Variants in DOCK1 observed in about 807,000 individuals in gnomAD.
DOCK1 encodes the protein dedicator of cytokinesis 1.
In DOCK1, 138 loss-of-function variants were observed where a neutral mutation model predicts 262.7. That is an observed-to-expected ratio of 0.53 (90% CI 0.46 to 0.61). The LOEUF (loss-of-function observed/expected upper bound fraction) is 0.61. DOCK1 is among the 20% of genes least tolerant of loss of function. The pLI is 0.00. For synonymous variants in DOCK1, 866 were observed against 867.4 expected (o/e 1.00, Z 0.03); for missense variants, 1,908 against 2,370.7 (o/e 0.80, Z 4.05).
At chr10:127,395,741 G>A (rs1414807114) in intron 38 of DOCK1, among the ~76,000 whole-genome samples, 1 of 152,234 alleles carries the variant, frequency 6.6e-6, no homozygotes, top group African/African-American at 2.4e-5. Flanking sequence ...CATAAAGCCA[G>A]TGGCAGATGG....
At chr10:127,108,657 G>A (rs1051857573) in intron 24 of DOCK1, among the ~76,000 whole-genome samples, 1 of 152,164 alleles carries the variant, frequency 6.6e-6, no homozygotes, top group Admixed American at 6.5e-5. Flanking sequence ...CCTCTCCCAT[G>A]CCACGAGGGC....
At chr10:127,084,668 G>A (rs1049837942) in intron 23 of DOCK1, among the ~76,000 whole-genome samples, 7 of 152,296 alleles carry the variant, frequency 4.6e-5, no homozygotes, top group East Asian at 3.9e-4. Flanking sequence ...TTACATGAGG[G>A]AATGGAGCTC....
In DOCK1 at chr10:127,176,122, C is replaced by T. The variant is rs748593127; in HGVS notation, c.2847+48358C>T. 4.3e-6 allele frequency: 7 copies of T among 1,614,074 alleles called. No homozygotes were observed. Among genetic ancestry groups the T allele is most frequent in the East Asian group, 4.5e-5 (2 of 44,838 alleles). On this transcript the variant is annotated intron_variant, in intron 27 of 51. Transcript: ENST00000623213. This position sits in a 1 kb window ranked among gnomAD's most constrained non-coding sequence, Gnocchi z 4.4. Reference sequence around the variant, plus strand: ...GTGACGTTGGGGATGGACCTGCGTGCGGGCACTGTCATGTATTTGCGGTAG... The same window carrying T: ...GTGACGTTGGGGATGGACCTGCGTGTGGGCACTGTCATGTATTTGCGGTAG...
chr10:127,139,662 A>G (rs917354290), intron 27 of DOCK1, among the ~76,000 whole-genome samples: 5 of 152,174 alleles, frequency 3.3e-5, no homozygotes, highest in East Asian at 1.9e-4. Flanking sequence ...GGTGCACTAG[A>G]AGGACATGGG....
At chr10:127,196,787 G>T (rs2057204819) in intron 27 of DOCK1, among the ~76,000 whole-genome samples, 1 of 151,534 alleles carries the variant, frequency 6.6e-6, no homozygotes, top group South Asian at 2.1e-4. Flanking sequence ...TGCGCGCGGG[G>T]CTCCGCCACA....
At chr10:126,962,556 C>G (rs1257290989) in intron 1 of DOCK1, among the ~76,000 whole-genome samples, 1 of 152,206 alleles carries the variant, frequency 6.6e-6, no homozygotes, top group African/African-American at 2.4e-5. Flanking sequence ...CTCAGCCTCC[C>G]AAAGTGCTGG....
At chr10:127,247,492 A>T (rs1388003873) in intron 27 of DOCK1, among the ~76,000 whole-genome samples, 2 of 152,134 alleles carry the variant, frequency 1.3e-5, no homozygotes, top group Admixed American at 1.3e-4. Context: ...CTGCACACAC[A>T]TTTTGCCGGA....
chr10:127,069,534 G>A (rs1465119182), intron 23 of DOCK1, among the ~76,000 whole-genome samples: 1 of 152,152 alleles, frequency 6.6e-6, no homozygotes, highest in Non-Finnish European at 1.5e-5. Context: ...TGGAGGAGGG[G>A]GTGCACTGAT....
chr10:127,430,219 G>C (rs2069187910), intron 47 of DOCK1, among the ~76,000 whole-genome samples: 1 of 152,154 alleles, frequency 6.6e-6, no homozygotes, highest in Non-Finnish European at 1.5e-5. Flanking sequence ...CCCCTGACCT[G>C]GCCCCCAGCT....
At position 127,042,995 on chromosome 10, in the gene DOCK1, G is replaced by C. The variant is rs74161531; in HGVS notation, c.2101-69G>C. 2.4e-3 allele frequency: 2,954 copies of C among 1,256,462 alleles called. 67 individuals carry two copies. In the African/African-American group the frequency reaches 0.039, roughly 17 times the overall value. 77.8% of individuals were successfully genotyped at this position (1,256,462 alleles called of 1,614,324 possible). A position where few individuals can be genotyped will look rare whatever the true frequency, so the allele number is the denominator to read the frequency against. On this transcript the variant is annotated intron_variant, in intron 20 of 51. Transcript: ENST00000623213. ...ATATCCTAACACAGGGGTGCAGATG[G>C]TTCTGATGAAGATTATAAAATGGCT...
At chr10:126,915,169 G>A (rs1253833355) in intron 1 of DOCK1, among the ~76,000 whole-genome samples, 1 of 152,146 alleles carries the variant, frequency 6.6e-6, no homozygotes, top group African/African-American at 2.4e-5. Flanking sequence ...TTACCAGGAA[G>A]AATGTTAGTC....
intron 23 of DOCK1, among the ~76,000 whole-genome samples, chr10:127,092,703 G>A (rs931062384): frequency 6.6e-6 from 1 of 152,092 alleles, no homozygotes; most frequent in Non-Finnish European, 1.5e-5. Flanking sequence ...GGCTAGTCTT[G>A]AACTCCTGAC....
chr10:126,962,064 C>T (rs2037265539), intron 1 of DOCK1, among the ~76,000 whole-genome samples: 1 of 152,166 alleles, frequency 6.6e-6, no homozygotes, highest in African/African-American at 2.4e-5. Flanking sequence ...GTGGTGCGCT[C>T]TCGGCTCACT....
In DOCK1 at chr10:127,051,571, A is replaced by C. The variant is rs11018323; in HGVS notation, c.2202-1110A>C. Among the ~76,000 whole-genome samples, 1,022 of 152,232 alleles carry C rather than the reference A, an allele frequency of 6.7e-3. 5 individuals are homozygous for C. Among genetic ancestry groups the C allele is most frequent in the Middle Eastern group, 0.014 (4 of 294 alleles). On this transcript the variant is annotated intron_variant, in intron 21 of 51. Transcript: ENST00000623213. ...AATACACATAACATAAAATTCACCGAATCATTTTATTTTATTTTATGATTT... is the reference window on the plus strand; with the variant it reads ...AATACACATAACATAAAATTCACCGCATCATTTTATTTTATTTTATGATTT...
intron 29 of DOCK1, among the ~76,000 whole-genome samples, chr10:127,309,347 C>T (rs2061982674): frequency 6.6e-6 from 1 of 152,102 alleles, no homozygotes; most frequent in Non-Finnish European, 1.5e-5. Flanking sequence ...AGACCTTTGT[C>T]AGATGGGTAG....
intron 23 of DOCK1, among the ~76,000 whole-genome samples, chr10:127,098,592 A>G (rs979139192): frequency 6.6e-6 from 1 of 152,134 alleles, no homozygotes; most frequent in Non-Finnish European, 1.5e-5. Flanking sequence ...CCGATAGGAA[A>G]TGCTACCTTC....
chr10:127,110,256 T>G lies in DOCK1; in HGVS notation c.2525T>G (p.Phe842Cys), dbSNP rs756894483. ...TGTGTTTTTCCTCACAGCAAAATGTTTACTGAATTCATCCTCAATGTTCCC... is the reference window on the plus strand; with the variant it reads ...TGTGTTTTTCCTCACAGCAAAATGTGTACTGAATTCATCCTCAATGTTCCC... ...VFDPKELSKM[F>C]TEFILNVPMG... Residue 842 changes from phenylalanine (F) to cysteine (C), a missense_variant, in exon 25 of 52, where the codon TTT becomes TGT. Coordinates refer to ENST00000623213, the MANE Select transcript of DOCK1 (RefSeq NM_001290223.2). 2 of 1,612,892 alleles carry G rather than the reference T, an allele frequency of 1.2e-6. No individual in the cohort carries two copies. The highest frequency in any genetic ancestry group is 4.5e-5 in the East Asian group (2 of 44,874).
At chr10:127,324,603 G>A (rs1402875339) in intron 29 of DOCK1, among the ~76,000 whole-genome samples, 1 of 151,926 alleles carries the variant, frequency 6.6e-6, no homozygotes, top group Admixed American at 6.6e-5. Flanking sequence ...CTGAGCAAAG[G>A]CAATATTTCG....
intron 27 of DOCK1, among the ~76,000 whole-genome samples, chr10:127,169,807 G>A (rs1475273565): frequency 6.6e-6 from 1 of 152,184 alleles, no homozygotes; most frequent in African/African-American, 2.4e-5. Context: ...GTATGTGTAT[G>A]TGCACATGAC....
Sources: gnomAD v4.1 joint callset for allele counts (sites outside exome capture counted in the v4.1 genomes callset) on GRCh38, gnomAD v4.1.1 for gene constraint, Gnocchi (gnomAD v3.1) non-coding constraint, MANE v1.5 for transcripts, NCBI Gene and HGNC (gene_info 2026-07-23, HGNC 2026-07-21) for gene names.